The following TMEM131 variants were observed in gnomAD, a reference collection of about 807,000 sequenced individuals.
TMEM131 encodes 2610524E03Rik.
A neutral mutation model predicts 211.6 loss-of-function variants in TMEM131; 66 were observed. The observed-to-expected ratio is 0.31, with a 90% CI of 0.26 to 0.38. TMEM131 has a LOEUF of 0.38. Among genes scored for constraint, TMEM131 ranks in the 10% least tolerant of loss-of-function variants. The pLI is 1.00. For missense variants in TMEM131, 2,036 were observed against 2,299.3 expected (o/e 0.89, Z 2.34); for synonymous variants, 844 against 841.3 (o/e 1.00, Z -0.06).
At chr2:97,812,896 CG>C in intron 15 of TMEM131, 147 bp from the exon 16 acceptor site, 3 of 453,564 alleles carry the variant, frequency 6.6e-6, no homozygotes, top group Non-Finnish European at 1.2e-5. Context: ...CCCAGCTACT[CG>C]GAAGGCTGAG....
intron 4 of TMEM131, among the ~76,000 whole-genome samples, chr2:97,877,387 C>T (rs756010889): frequency 6.6e-6 from 1 of 152,132 alleles, no homozygotes; most frequent in Non-Finnish European, 1.5e-5. Flanking sequence ...AAAAAGAACC[C>T]GTATTGCCAA....
chr2:97,813,703 T>C (rs1255125168), intron 15 of TMEM131, among the ~76,000 whole-genome samples: 1 of 152,172 alleles, frequency 6.6e-6, no homozygotes, highest in Non-Finnish European at 1.5e-5. Flanking sequence ...ATTATTACAA[T>C]AGTTTAAAAG....
At chr2:97,988,405 A>G (rs1208648752) in intron 1 of TMEM131, among the ~76,000 whole-genome samples, 2 of 152,256 alleles carry the variant, frequency 1.3e-5, no homozygotes, top group African/African-American at 4.8e-5. Context: ...TTTGGCAATG[A>G]TATCTTGGAT....
chr2:97,979,784 A>G (rs1679705287), intron 1 of TMEM131, among the ~76,000 whole-genome samples: 1 of 152,180 alleles, frequency 6.6e-6, no homozygotes, highest in Non-Finnish European at 1.5e-5. Context: ...TGTTCACCAG[A>G]GTAGCACTTT....
At position 97,995,531 on chromosome 2, in the gene TMEM131, G is replaced by C. The variant is rs2279824; in HGVS notation, c.132C>G (p.Gly44=). The C allele has an allele frequency of 7.3e-7, 1 of 1,369,120 alleles. No homozygotes were observed. The highest frequency in any genetic ancestry group is 9.5e-7 in the Non-Finnish European group (1 of 1,055,510). The allele number at this position is 1,369,120 out of a possible 1,614,324, so 84.8% of individuals were successfully genotyped here. ...CGAGGGTCATCACCAGGTGCAGCGC[G>C]CCTAGGAGGCCGGCGGCCGCGCTCC... The part of the protein sequence containing the change: ...GPRSAAAGLL[G]ALHLVMTLVV... The change falls in exon 1 of 41, where the codon GGC becomes GGG. Residue 44 remains glycine, a synonymous_variant. Transcript: ENST00000186436.
chr2:97,937,242 C>T (rs1408155212), intron 1 of TMEM131, among the ~76,000 whole-genome samples: 1 of 152,008 alleles, frequency 6.6e-6, no homozygotes, highest in African/African-American at 2.4e-5. Context: ...AAAAAACAAG[C>T]AAATTGAAAT....
intron 12 of TMEM131, among the ~76,000 whole-genome samples, chr2:97,816,806 G>T (rs1035164975): frequency 6.6e-6 from 1 of 152,158 alleles, no homozygotes; most frequent in Admixed American, 6.5e-5. Flanking sequence ...TGAAAATCAT[G>T]AAGAATAACT....
intron 7 of TMEM131, among the ~76,000 whole-genome samples, chr2:97,840,677 T>A (rs1683156326): frequency 6.6e-6 from 1 of 152,094 alleles, no homozygotes; most frequent in African/African-American, 2.4e-5. Flanking sequence ...ACTACACCAT[T>A]ACCTAAAGTA....
At chr2:97,900,255 A>T (rs550037084) in intron 3 of TMEM131, among the ~76,000 whole-genome samples, 1 of 152,292 alleles carries the variant, frequency 6.6e-6, no homozygotes, top group East Asian at 1.9e-4. Flanking sequence ...CTTTGGCACC[A>T]TCATAAAGTC....
chr2:97,807,966 T>G (rs1276898486), intron 19 of TMEM131, among the ~76,000 whole-genome samples: 1 of 152,202 alleles, frequency 6.6e-6, no homozygotes, highest in East Asian at 1.9e-4. Flanking sequence ...AATTCAGGTT[T>G]TACTGTAAGG....
chr2:97,774,660 G>A (rs1679629111), intron 32 of TMEM131, among the ~76,000 whole-genome samples: 1 of 152,216 alleles, frequency 6.6e-6, no homozygotes, highest in Admixed American at 6.5e-5. Context: ...GGCCGCTGGA[G>A]AGGGGGCCAC....
At chr2:97,961,076 C>T (rs1196666718) in intron 1 of TMEM131, among the ~76,000 whole-genome samples, 1 of 150,766 alleles carries the variant, frequency 6.6e-6, no homozygotes, top group Non-Finnish European at 1.5e-5. Flanking sequence ...ACTTGATGGT[C>T]AAAGACTGAA....
Position 97,943,011 on chromosome 2 carries a change from GAAA to G in TMEM131, c.188-15527_188-15525del, listed in dbSNP as rs1349800907. 1.4e-3 allele frequency among the ~76,000 whole-genome samples: 67 copies of G among 48,884 alleles called. 1 individual carries two copies. The highest frequency in any genetic ancestry group is 0.023 in the Middle Eastern group (2 of 86). 32.1% of individuals were successfully genotyped at this position (48,884 alleles called of 152,430 possible). A position where few individuals can be genotyped will look rare whatever the true frequency, so the allele number is the denominator to read the frequency against. On this transcript the variant is annotated intron_variant, in intron 1 of 40. Transcript: ENST00000186436. ...AAAGAAAGAAAAGAAAGAAAAGAAA[GAAA>G]AGAAAAGAAAAGAAAAGAAAAGAAA...
intron 11 of TMEM131, among the ~76,000 whole-genome samples, chr2:97,826,966 C>T (rs1682418894): frequency 6.6e-6 from 1 of 151,290 alleles, no homozygotes; most frequent in South Asian, 2.1e-4. Context: ...ATACAAAGGT[C>T]CGACCAGACC....
In TMEM131 at chr2:97,796,474, C is replaced by T. The variant is rs550817386; in HGVS notation, c.3014-70G>A. On this transcript the variant is annotated intron_variant, in intron 27 of 40. Coordinates refer to ENST00000186436, the MANE Select transcript of TMEM131 (RefSeq NM_015348.2). ...GTGCTCCCAGTCCAAATGATAAATA[C>T]ATTATTCATGAATTACTATATGTCA... The T allele has an allele frequency of 4.1e-6, 4 of 964,148 alleles. No homozygotes were observed. In the African/African-American group the frequency reaches 5.1e-5, roughly 12 times the overall value. 59.7% of individuals were successfully genotyped at this position (964,148 alleles called of 1,614,324 possible).
intron 1 of TMEM131, among the ~76,000 whole-genome samples, chr2:97,965,996 A>G (rs530981298): frequency 1.9e-4 from 29 of 152,246 alleles, no homozygotes; most frequent in African/African-American, 7.0e-4. Flanking sequence ...AAAGTAAGCA[A>G]AGCCTAGAAA....
chr2:97,805,542 T>C lies in TMEM131; in HGVS notation c.2208+9A>G. 6.2e-7 allele frequency: 1 copy of C among 1,606,388 alleles called. No individual in the cohort carries two copies. The highest frequency in any genetic ancestry group is 8.5e-7 in the Non-Finnish European group (1 of 1,174,676). On this transcript the variant is annotated intron_variant, in intron 20 of 40. Coordinates refer to ENST00000186436, the MANE Select transcript of TMEM131 (RefSeq NM_015348.2). ...CCAATGGGAATTCTCAAATATAATATCTTCAAACCTTTGATTTTTTTCCTG... is the reference window on the plus strand; with the variant it reads ...CCAATGGGAATTCTCAAATATAATACCTTCAAACCTTTGATTTTTTTCCTG...
At chr2:97,990,996 G>A (rs867047411) in intron 1 of TMEM131, among the ~76,000 whole-genome samples, 1 of 152,030 alleles carries the variant, frequency 6.6e-6, no homozygotes, top group South Asian at 2.1e-4. Flanking sequence ...AATTGTCATA[G>A]GTTGAAACAC....
At chr2:97,820,391 TG>T (rs1682053515) in intron 11 of TMEM131, among the ~76,000 whole-genome samples, 1 of 152,236 alleles carries the variant, frequency 6.6e-6, no homozygotes. Context: ...AAGTTCCATT[TG>T]GTTATACTAT....
Sources: allele counts gnomAD v4.1 joint callset (sites outside exome capture counted in the v4.1 genomes callset), GRCh38; gene constraint gnomAD v4.1.1; transcripts MANE v1.5; gene names NCBI Gene and HGNC (gene_info 2026-07-23, HGNC 2026-07-21).